Variants in MTA3 observed in about 807,000 individuals in gnomAD.
The protein encoded by MTA3 is metastasis associated 1 family member 3.
In MTA3, 34 loss-of-function variants were observed where a neutral mutation model predicts 83.5. That is an observed-to-expected ratio of 0.41 (90% CI 0.31 to 0.54). MTA3 has a LOEUF of 0.54. Among genes scored for constraint, MTA3 ranks in the 20% least tolerant of loss-of-function variants. The pLI is 0.33. For synonymous variants in MTA3, 303 were observed against 252.7 expected, an observed-to-expected ratio of 1.20 and a Z score of -1.89; for missense variants, 761 against 726.4, an observed-to-expected ratio of 1.05 and a Z score of -0.55.
At position 42,540,001 on chromosome 2, in the gene MTA3, C is replaced by A. The variant is rs968007682; in HGVS notation, c.-140-30436C>A. On this transcript the variant is annotated intron_variant, in intron 2 of 17. Transcript: ENST00000405592. ...TGCTCAGCTAGAAACTCCTCTGCCA[C>A]CAGAAAGAAGCTGCACCTTCCTCCC... Among the ~76,000 whole-genome samples the A allele has an allele frequency of 7.2e-5, 11 of 152,158 alleles. No homozygotes were observed. The South Asian group carries it at 2.3e-3, about 32-fold the overall frequency.
At chr2:42,620,518 GGTCTCGCTCT>G (rs1685417136) in intron 4 of MTA3, among the ~76,000 whole-genome samples, 1 of 151,904 alleles carries the variant, frequency 6.6e-6, no homozygotes, top group African/African-American at 2.4e-5. Flanking sequence ...TGAGAGATAG[GGTCTCGCTCT>G]GTTGCTCAGG....
At chr2:42,596,657 A>T (rs1359634667) in intron 3 of MTA3, among the ~76,000 whole-genome samples, 1 of 152,196 alleles carries the variant, frequency 6.6e-6, no homozygotes, top group Non-Finnish European at 1.5e-5. Context: ...TTGATGTCAC[A>T]TTGCTTATTG....
At chr2:42,675,400 C>T (rs540544884) in intron 8 of MTA3, among the ~76,000 whole-genome samples, 2 of 152,298 alleles carry the variant, frequency 1.3e-5, no homozygotes, top group East Asian at 3.9e-4. Flanking sequence ...TCCTAAAGTG[C>T]AGGGATTAAC....
intron 3 of MTA3, among the ~76,000 whole-genome samples, chr2:42,596,361 A>C (rs180991192): frequency 6.6e-6 from 1 of 152,174 alleles, no homozygotes; most frequent in Non-Finnish European, 1.5e-5. Flanking sequence ...CATAAAATCT[A>C]TTTTTTATCA....
At chr2:42,647,967 A>G (rs1447989292) in intron 6 of MTA3, among the ~76,000 whole-genome samples, 2 of 152,106 alleles carry the variant, frequency 1.3e-5, no homozygotes, top group Non-Finnish European at 2.9e-5. Flanking sequence ...CAGCCTCCCA[A>G]GTGGCTGGGA....
At chr2:42,575,961 A>T (rs573423696) in intron 2 of MTA3, among the ~76,000 whole-genome samples, 45 of 152,300 alleles carry the variant, frequency 3.0e-4, no homozygotes, top group African/African-American at 9.9e-4. Context: ...GAGAGATGGG[A>T]TTCTTTGTAA....
chr2:42,714,646 C>T (rs1666895997), intron 14 of MTA3, among the ~76,000 whole-genome samples: 1 of 152,148 alleles, frequency 6.6e-6, no homozygotes, highest in African/African-American at 2.4e-5. Flanking sequence ...ATAGATCATC[C>T]TCTAGGACAG....
intron 12 of MTA3, among the ~76,000 whole-genome samples, chr2:42,705,990 A>G (rs138990270): frequency 0.011 from 1,681 of 152,318 alleles, 7 homozygotes; most frequent in Admixed American, 0.015. Context: ...TTTATTGACA[A>G]TTATTAAAAT....
chr2:42,657,043 T>G (rs1383506301), intron 7 of MTA3, among the ~76,000 whole-genome samples: 1 of 152,166 alleles, frequency 6.6e-6, no homozygotes, highest in African/African-American at 2.4e-5. Flanking sequence ...TAGTGGATTT[T>G]TAAATACATT....
chr2:42,652,729 C>G (rs113601039), intron 6 of MTA3, among the ~76,000 whole-genome samples: 2,206 of 152,088 alleles, frequency 0.015, 54 homozygotes, highest in African/African-American at 0.049. Context: ...ATTTTATTTC[C>G]TAGTGTTTTA....
At chr2:42,541,342 T>G (rs1676510025) in intron 2 of MTA3, among the ~76,000 whole-genome samples, 1 of 152,102 alleles carries the variant, frequency 6.6e-6, no homozygotes, top group South Asian at 2.1e-4. Flanking sequence ...AAATTTTGAA[T>G]TTTGGTCTTT....
intron 2 of MTA3, among the ~76,000 whole-genome samples, chr2:42,548,565 G>C (rs1175736145): frequency 6.6e-6 from 1 of 151,204 alleles, no homozygotes; most frequent in South Asian, 2.1e-4. Flanking sequence ...GCTGAGGCGA[G>C]AGGATTGCTT....
At chr2:42,510,074 C>G (rs1376681250) in intron 2 of MTA3, among the ~76,000 whole-genome samples, 4 of 151,978 alleles carry the variant, frequency 2.6e-5, no homozygotes, top group African/African-American at 7.2e-5. Flanking sequence ...GCCTGTAATC[C>G]CAGCACTTTG....
At chr2:42,638,720 T>G (rs1436736267) in intron 4 of MTA3, among the ~76,000 whole-genome samples, 1 of 134,856 alleles carries the variant, frequency 7.4e-6, no homozygotes, top group Admixed American at 7.6e-5. Flanking sequence ...TTTTTTTTTT[T>G]GCTTCACTAA....
At chr2:42,581,193 G>A (rs1217237252) in intron 3 of MTA3, among the ~76,000 whole-genome samples, 1 of 151,988 alleles carries the variant, frequency 6.6e-6, no homozygotes, top group Non-Finnish European at 1.5e-5. Context: ...GTTCTGTCAC[G>A]TTTACAAATT....
At chr2:42,689,528 T>G (rs1412305869) in intron 9 of MTA3, among the ~76,000 whole-genome samples, 1 of 152,184 alleles carries the variant, frequency 6.6e-6, no homozygotes, top group Non-Finnish European at 1.5e-5. Flanking sequence ...TTTGGAAGGT[T>G]TTAAAACTGT....
At chr2:42,544,478 A>AC (rs1469049740) in intron 2 of MTA3, among the ~76,000 whole-genome samples, 4 of 152,016 alleles carry the variant, frequency 2.6e-5, no homozygotes, top group Middle Eastern at 3.4e-3. Flanking sequence ...AAAAACAAAA[A>AC]AAAAAACATA....
rs146480404 is a variant in MTA3, at chr2:42,731,901, C to T, written c.1759+8866C>T. On this transcript the variant is annotated intron_variant, in intron 16 of 16. Transcript: ENST00000405094. ...GGTACAGGTATTGGGTAAATACAGCCGTTCCAAATGGGAGAAATTGGCCAA... is the reference window on the plus strand; with the variant it reads ...GGTACAGGTATTGGGTAAATACAGCTGTTCCAAATGGGAGAAATTGGCCAA... Among the ~76,000 whole-genome samples, 85 of 152,252 alleles carry T rather than the reference C, an allele frequency of 5.6e-4. No homozygotes were observed. In the East Asian group the frequency reaches 0.01, roughly 18 times the overall value.
intron 6 of MTA3, among the ~76,000 whole-genome samples, chr2:42,654,376 G>A (rs982467734): frequency 3.9e-5 from 6 of 152,176 alleles, no homozygotes; most frequent in South Asian, 2.1e-4. Flanking sequence ...TATGTCAGCC[G>A]TTGCAAGCCT....
Sources: gnomAD v4.1 joint callset for allele counts (sites outside exome capture counted in the v4.1 genomes callset) on GRCh38, gnomAD v4.1.1 for gene constraint, MANE v1.5 for transcripts, NCBI Gene and HGNC (gene_info 2026-07-23, HGNC 2026-07-21) for gene names.